KLHL29: variants seen among roughly 807,000 people sequenced by gnomAD.
The protein encoded by KLHL29 is kelch like family member 29.
In KLHL29, 21 loss-of-function variants were observed where a neutral mutation model predicts 80.4. The ratio of observed to expected loss-of-function variants is 0.26; its 90% CI spans 0.19 to 0.38. KLHL29 has a LOEUF of 0.38. Ranked by LOEUF, KLHL29 falls within the 10% of genes least tolerant of loss-of-function variation. The probability of loss-of-function intolerance (pLI) is 1.00; values close to 1 mark genes in which losing one functional copy is unlikely to be tolerated. For synonymous variants in KLHL29, 511 were observed against 526.8 expected (o/e 0.97, Z 0.41); for missense variants, 867 against 1,223.9 (o/e 0.71, Z 4.35).
intron 5 of KLHL29, among the ~76,000 whole-genome samples, chr2:23,654,023 C>T (rs1169067593): frequency 2.6e-5 from 4 of 151,886 alleles, no homozygotes; most frequent in Non-Finnish European, 5.9e-5. Flanking sequence ...AAAAATTAGC[C>T]GGGTGTGGTG....
chr2:23,439,884 T>C (rs1351253528), intron 1 of KLHL29, among the ~76,000 whole-genome samples: 2 of 152,054 alleles, frequency 1.3e-5, no homozygotes, highest in Admixed American at 1.3e-4. Context: ...TTCTGTCTCA[T>C]TGATCTGTCT....
intron 1 of KLHL29, among the ~76,000 whole-genome samples, chr2:23,431,596 TA>T (rs5829896): frequency 0.1 from 15,670 of 151,992 alleles, 1,595 homozygotes; most frequent in East Asian, 0.29. Flanking sequence ...TTTTTCTTAT[TA>T]AAAAAGCAGT....
chr2:23,582,216 G>T (rs1668005717), intron 3 of KLHL29, among the ~76,000 whole-genome samples: 1 of 152,192 alleles, frequency 6.6e-6, no homozygotes, highest in Non-Finnish European at 1.5e-5. Flanking sequence ...CTGTTTTATG[G>T]TGGTGTGCTT....
intron 2 of KLHL29, among the ~76,000 whole-genome samples, chr2:23,546,615 G>A (rs1482783086): frequency 1.3e-5 from 2 of 152,102 alleles, no homozygotes; most frequent in Non-Finnish European, 2.9e-5. Context: ...TCCTAGAAGA[G>A]AGCTGGCCTA....
intron 2 of KLHL29, among the ~76,000 whole-genome samples, chr2:23,487,204 A>G (rs1033529988): frequency 3.9e-5 from 6 of 152,056 alleles, no homozygotes; most frequent in Admixed American, 1.3e-4. Flanking sequence ...CAGCAAGACT[A>G]TGAGCCCTAG....
chr2:23,507,278 T>C (rs1312340951), intron 2 of KLHL29: 1 of 204,942 alleles, frequency 4.9e-6, no homozygotes, highest in Non-Finnish European at 1.2e-5. Context: ...ACTTGCAGAA[T>C]GGCTAAGGTA....
intron 2 of KLHL29, among the ~76,000 whole-genome samples, chr2:23,512,659 C>T (rs1665808687): frequency 6.6e-6 from 1 of 152,198 alleles, no homozygotes; most frequent in Non-Finnish European, 1.5e-5. Context: ...ACTGGGTAGT[C>T]ACTAACAAAT....
intron 6 of KLHL29, chr2:23,688,863 A>C (rs1671402974): frequency 6.6e-6 from 1 of 152,324 alleles, no homozygotes; most frequent in Non-Finnish European, 1.5e-5. Flanking sequence ...GGGCAGGGAC[A>C]GAACAGCCAC....
intron 6 of KLHL29, among the ~76,000 whole-genome samples, chr2:23,687,146 C>G (rs1452715299): frequency 1.3e-5 from 2 of 152,154 alleles, no homozygotes; most frequent in Non-Finnish European, 2.9e-5. Context: ...AGCAGTGGCT[C>G]CACGCTCAGG....
Position 23,480,812 on chromosome 2 carries a change from C to T in KLHL29, c.-46+5145C>T, listed in dbSNP as rs532286321. ...CTTGCGCCACCCCACATGAACTCTACGGGCTGTTAGAATATCTGCTGCCCT... is the reference window on the plus strand; with the variant it reads ...CTTGCGCCACCCCACATGAACTCTATGGGCTGTTAGAATATCTGCTGCCCT... On this transcript the variant is annotated intron_variant, in intron 2 of 13. Transcript: ENST00000486442. 4.6e-5 allele frequency among the ~76,000 whole-genome samples: 7 copies of T among 152,260 alleles called. 1 individual carries two copies. The South Asian group carries it at 1.0e-3, about 23-fold the overall frequency.
At chr2:23,559,731 TG>T (rs1254201762) in intron 2 of KLHL29, among the ~76,000 whole-genome samples, 1 of 148,436 alleles carries the variant, frequency 6.7e-6, no homozygotes, top group Non-Finnish European at 1.5e-5. Flanking sequence ...TGCAGGGAGG[TG>T]GGGGTGGTGC....
chr2:23,661,041 A>AAGAG (rs542195291), intron 5 of KLHL29, among the ~76,000 whole-genome samples: 7 of 149,296 alleles, frequency 4.7e-5, no homozygotes, highest in Admixed American at 3.3e-4. Flanking sequence ...CAGAAAAAAA[A>AAGAG]AGAGAGAGAG....
intron 1 of KLHL29, among the ~76,000 whole-genome samples, chr2:23,386,712 G>T (rs1478645306): frequency 2.0e-5 from 3 of 152,122 alleles, no homozygotes; most frequent in Non-Finnish European, 2.9e-5. Context: ...CGCCGCGCGG[G>T]TGCCCGCGCT....
At chr2:23,401,117 C>T (rs1174023858) in intron 1 of KLHL29, among the ~76,000 whole-genome samples, 1 of 152,172 alleles carries the variant, frequency 6.6e-6, no homozygotes, top group Non-Finnish European at 1.5e-5. Context: ...CGTTTCTGGG[C>T]AGTACCTCAT....
At chr2:23,418,308 G>A (rs1389407785) in intron 1 of KLHL29, among the ~76,000 whole-genome samples, 8 of 152,170 alleles carry the variant, frequency 5.3e-5, no homozygotes, top group Admixed American at 3.9e-4. Flanking sequence ...GAGTGGGCAT[G>A]GGCACTGTAA....
intron 2 of KLHL29, among the ~76,000 whole-genome samples, chr2:23,500,222 CA>C (rs1008435615): frequency 2.6e-5 from 4 of 152,110 alleles, no homozygotes; most frequent in African/African-American, 9.7e-5. Flanking sequence ...CACTGGTGTG[CA>C]GAAGGTAGGG....
intron 2 of KLHL29, among the ~76,000 whole-genome samples, chr2:23,494,933 G>A (rs982028123): frequency 5.3e-5 from 8 of 152,154 alleles, no homozygotes; most frequent in Non-Finnish European, 7.3e-5. Context: ...TGCTCCTTTC[G>A]TCGCCGTAAG....
chr2:23,552,739 G>T lies in KLHL29; in HGVS notation c.-45-9413G>T, dbSNP rs113825885. ...AGTGGAAGCAGACATCAGAGGTCAC[G>T]GCTATAGCTCTGGTTTCTTTTCTTT... is the stretch of plus-strand genomic sequence containing the variant. On this transcript the variant is annotated intron_variant, in intron 2 of 13. Coordinates refer to ENST00000486442, the MANE Select transcript of KLHL29 (RefSeq NM_052920.2). Among the ~76,000 whole-genome samples, 8 of 138,456 alleles carry T rather than the reference G, an allele frequency of 5.8e-5. No homozygotes were observed. The Admixed American group carries it at 6.1e-4, about 11-fold the overall frequency. 90.8% of individuals were successfully genotyped at this position (138,456 alleles called of 152,430 possible).
chr2:23,569,207 T>C (rs544037139), intron 3 of KLHL29, among the ~76,000 whole-genome samples: 2 of 152,334 alleles, frequency 1.3e-5, no homozygotes, highest in Admixed American at 6.5e-5. Context: ...GACCAGAGGC[T>C]TTCTCCCTGT....
Sources: allele counts gnomAD v4.1 joint callset (sites outside exome capture counted in the v4.1 genomes callset), GRCh38; gene constraint gnomAD v4.1.1; transcripts MANE v1.5; gene names NCBI Gene and HGNC (gene_info 2026-07-23, HGNC 2026-07-21).